The following CDH20 variants were observed in gnomAD, a reference collection of about 807,000 sequenced individuals.
CDH20 encodes the protein cadherin 20.
A neutral mutation model predicts 74.2 loss-of-function variants in CDH20; 29 were observed. The observed-to-expected ratio is 0.39, with a 90% CI of 0.29 to 0.53. The LOEUF (loss-of-function observed/expected upper bound fraction) is 0.53, where lower values mean the gene tolerates loss of function less well. CDH20 is among the 20% of genes least tolerant of loss of function. The pLI is 0.69. For synonymous variants in CDH20, 469 were observed against 405.4 expected, an observed-to-expected ratio of 1.16 and a Z score of -1.88; for missense variants, 988 against 1,048.3, an observed-to-expected ratio of 0.94 and a Z score of 0.79.
chr18:61,483,879 T>C (rs1440483662), intron 1 of CDH20, among the ~76,000 whole-genome samples: 2 of 152,210 alleles, frequency 1.3e-5, no homozygotes, highest in Non-Finnish European at 1.5e-5. Flanking sequence ...GCATAGATAG[T>C]AAGTGGTAGG....
chr18:61,411,652 C>T (rs1487936697), intron 1 of CDH20, among the ~76,000 whole-genome samples: 6 of 151,638 alleles, frequency 4.0e-5, no homozygotes, highest in African/African-American at 1.2e-4. Context: ...CACACACACA[C>T]ACACGCTATG....
At chr18:61,541,476 C>T (rs1370333463) in intron 9 of CDH20, among the ~76,000 whole-genome samples, 1 of 152,142 alleles carries the variant, frequency 6.6e-6, no homozygotes, top group Admixed American at 6.5e-5. Flanking sequence ...AACATTTCAA[C>T]TATCTCTCCT....
intron 1 of CDH20, among the ~76,000 whole-genome samples, chr18:61,337,943 A>G (rs140959648): frequency 0.011 from 1,652 of 152,350 alleles, 9 homozygotes; most frequent in Non-Finnish European, 0.017. Context: ...TGGGAATAAA[A>G]GCATTGTTAT....
chr18:61,408,217 A>C (rs1213941118), intron 1 of CDH20, among the ~76,000 whole-genome samples: 1 of 152,190 alleles, frequency 6.6e-6, no homozygotes, highest in Non-Finnish European at 1.5e-5. Context: ...AAAAAAATGC[A>C]GGAAATAAGA....
intron 1 of CDH20, among the ~76,000 whole-genome samples, chr18:61,428,476 C>T (rs1246121111): frequency 1.3e-5 from 2 of 152,172 alleles, no homozygotes; most frequent in African/African-American, 4.8e-5. Context: ...GTAGCACAGC[C>T]ACAGATGGCT....
intron 1 of CDH20, among the ~76,000 whole-genome samples, chr18:61,347,859 A>G (rs1196614338): frequency 2.6e-5 from 4 of 151,826 alleles, no homozygotes; most frequent in African/African-American, 9.7e-5. Flanking sequence ...TTTTTTTCAG[A>G]TGGACATGTG....
At chr18:61,525,655 C>A (rs1292063956) in intron 6 of CDH20, among the ~76,000 whole-genome samples, 1 of 151,966 alleles carries the variant, frequency 6.6e-6, no homozygotes, top group Non-Finnish European at 1.5e-5. Context: ...ACGGGAAGCA[C>A]TATGTCTGCT....
chr18:61,485,839 C>T (rs1318205860), intron 1 of CDH20, among the ~76,000 whole-genome samples: 12 of 152,138 alleles, frequency 7.9e-5, no homozygotes, highest in Admixed American at 5.9e-4. Flanking sequence ...TTTGGGAGGC[C>T]GAGGTGGGCG....
At chr18:61,426,028 C>T (rs1221448925) in intron 1 of CDH20, among the ~76,000 whole-genome samples, 8 of 152,234 alleles carry the variant, frequency 5.3e-5, no homozygotes, top group Middle Eastern at 3.4e-3. Flanking sequence ...TACAGAAACA[C>T]AACTGATTTT....
At chr18:61,510,978 T>TAC (rs1911758668) in intron 6 of CDH20, among the ~76,000 whole-genome samples, 1 of 10,684 alleles carries the variant, frequency 9.4e-5, no homozygotes, top group Non-Finnish European at 2.0e-4. Flanking sequence ...CTTTCTTTCT[T>TAC]TCTTTTTTTT....
intron 1 of CDH20, among the ~76,000 whole-genome samples, chr18:61,336,824 G>GGA: frequency 6.6e-6 from 1 of 150,586 alleles, no homozygotes; most frequent in South Asian, 2.1e-4. Flanking sequence ...ATATGGGGGG[G>GGA]GGTGATGAGA....
At chr18:61,541,341 T>C (rs1913030815) in intron 9 of CDH20, among the ~76,000 whole-genome samples, 1 of 151,812 alleles carries the variant, frequency 6.6e-6, no homozygotes, top group African/African-American at 2.4e-5. Flanking sequence ...TATTTTGTTA[T>C]GATAAAATAA....
chr18:61,349,409 T>C (rs918475120), intron 1 of CDH20, among the ~76,000 whole-genome samples: 1 of 152,196 alleles, frequency 6.6e-6, no homozygotes, highest in Admixed American at 6.5e-5. Context: ...CAGGTTGAGA[T>C]GTATGAATAT....
chr18:61,422,140 G>A (rs1049854427), intron 1 of CDH20, among the ~76,000 whole-genome samples: 4 of 151,992 alleles, frequency 2.6e-5, no homozygotes, highest in Non-Finnish European at 2.9e-5. Context: ...TGAAATTCAC[G>A]GTTCTTTAGC....
At chr18:61,390,257 T>A (rs1039400942) in intron 1 of CDH20, among the ~76,000 whole-genome samples, 3 of 152,198 alleles carry the variant, frequency 2.0e-5, no homozygotes, top group African/African-American at 7.2e-5. Flanking sequence ...AACCATATAG[T>A]GATTTAGTGA....
At chr18:61,341,408 A>G (rs1452590462) in intron 1 of CDH20, among the ~76,000 whole-genome samples, 1 of 121,690 alleles carries the variant, frequency 8.2e-6, no homozygotes, top group African/African-American at 3.0e-5. Context: ...CTGATTACAC[A>G]ATGACTGCCT....
chr18:61,477,930 G>C (rs929453485), intron 1 of CDH20, among the ~76,000 whole-genome samples: 1 of 152,066 alleles, frequency 6.6e-6, no homozygotes, highest in Non-Finnish European at 1.5e-5. Context: ...GCCAGGCACG[G>C]TGGCTCACTC....
At chr18:61,413,834 A>G (rs1206083642) in intron 1 of CDH20, among the ~76,000 whole-genome samples, 1 of 152,150 alleles carries the variant, frequency 6.6e-6, no homozygotes, top group Non-Finnish European at 1.5e-5. Context: ...ATACAAATGG[A>G]GAAGAATTTT....
intron 1 of CDH20, among the ~76,000 whole-genome samples, chr18:61,394,144 G>A (rs185877931): frequency 3.3e-4 from 50 of 152,166 alleles, no homozygotes; most frequent in African/African-American, 1.1e-3. Context: ...TCATTTGTAT[G>A]TTCCCTGCTA....
Sources: gnomAD v4.1 joint callset for allele counts (sites outside exome capture counted in the v4.1 genomes callset) on GRCh38, gnomAD v4.1.1 for gene constraint, MANE v1.5 for transcripts, NCBI Gene and HGNC (gene_info 2026-07-23, HGNC 2026-07-21) for gene names.